ALK: variants seen among roughly 807,000 people sequenced by gnomAD.
ALK encodes the protein ALK receptor tyrosine kinase.
In ALK, 74 loss-of-function variants were observed where a neutral mutation model predicts 163.1. The observed-to-expected ratio is 0.45, with a 90% CI of 0.38 to 0.55. The LOEUF is 0.55. Among genes scored for constraint, ALK ranks in the 20% least tolerant of loss-of-function variants. The probability of loss-of-function intolerance (pLI) is 0.00; values close to 1 mark genes in which losing one functional copy is unlikely to be tolerated. For missense variants in ALK, 2,063 were observed against 2,105.3 expected, an observed-to-expected ratio of 0.98 and a Z score of 0.39; for synonymous variants, 960 against 843.2, an observed-to-expected ratio of 1.14 and a Z score of -2.40.
intron 1 of ALK, among the ~76,000 whole-genome samples, chr2:29,758,005 CTTTTTTTTTTTT>C (rs1213067837): frequency 1.9e-5 from 2 of 104,972 alleles, no homozygotes; most frequent in Non-Finnish European, 3.5e-5. Flanking sequence ...CCCGCATCCT[CTTTTTTTTTTTT>C]TTTTTTTTTT....
In ALK at chr2:29,583,946, C is replaced by T. The variant is rs116085114; in HGVS notation, c.953-51830G>A. ...TGTCTATCAACAGTCACCACTTTCT[C>T]CAGCTCTGCATCTTGAACACTCTTT... On this transcript the variant is annotated intron_variant, in intron 3 of 28. Transcript: ENST00000389048. Among the ~76,000 whole-genome samples the T allele has an allele frequency of 7.3e-3, 1,111 of 152,086 alleles. 10 individuals are homozygous for T. The highest frequency in any genetic ancestry group is 0.034 in the Middle Eastern group (10 of 294).
Position 29,441,164 on chromosome 2 carries a change from T to G in ALK, c.1155-57305A>C, listed in dbSNP as rs114256336. Among the ~76,000 whole-genome samples the G allele has an allele frequency of 5.6e-3, 847 of 152,364 alleles. 18 individuals carry two copies. The highest frequency in any genetic ancestry group is 0.02 in the African/African-American group (817 of 41,588). ...GCAGAACCTACTCTAGATCTGTCTA[T>G]GTCAACTTCAGAGCCAACAAGAATA... is the stretch of plus-strand genomic sequence containing the variant. On this transcript the variant is annotated intron_variant, in intron 4 of 28. Coordinates refer to ENST00000389048, the MANE Select transcript of ALK (RefSeq NM_004304.5).
chr2:29,496,990 G>A (rs1672041233), intron 4 of ALK, among the ~76,000 whole-genome samples: 1 of 152,200 alleles, frequency 6.6e-6, no homozygotes, highest in South Asian at 2.1e-4. Flanking sequence ...TCCTGATGAG[G>A]CCAGGCATGG....
rs888578421 is a variant in ALK at position 29,222,379 on chromosome 2, G to A, written c.3480C>T (p.Asp1160=). 3.1e-6 allele frequency: 5 copies of A among 1,614,042 alleles called. No homozygotes were observed. The highest frequency in any genetic ancestry group is 1.7e-4 in the Middle Eastern group (1 of 6,060). Residue 1160 remains aspartate, a synonymous_variant, in exon 22 of 29, where the codon GAC becomes GAT. Coordinates refer to ENST00000389048, the MANE Select transcript of ALK (RefSeq NM_004304.5). The part of the protein sequence containing the change: ...KTLPEVCSEQ[D]ELDFLMEALI... Reference sequence around the variant, plus strand: ...GGGCTTCCATGAGGAAATCCAGTTCGTCCTGTTCAGAGCACACTTCAGGCA... The same window carrying A: ...GGGCTTCCATGAGGAAATCCAGTTCATCCTGTTCAGAGCACACTTCAGGCA...
chr2:29,349,814 T>C (rs6726799), intron 5 of ALK, among the ~76,000 whole-genome samples: 137,707 of 152,298 alleles, frequency 0.9, 62,286 homozygotes, highest in South Asian at 0.98. Context: ...CAGCCTGCAA[T>C]GTACAGTGCG....
At chr2:29,597,493 T>C (rs1252625010) in intron 3 of ALK, among the ~76,000 whole-genome samples, 2 of 152,198 alleles carry the variant, frequency 1.3e-5, no homozygotes, top group African/African-American at 4.8e-5. Context: ...TGCCCTTTTC[T>C]TAAAATCACA....
intron 1 of ALK, among the ~76,000 whole-genome samples, chr2:29,881,962 T>A (rs1666880060): frequency 6.6e-6 from 1 of 152,160 alleles, no homozygotes; most frequent in Non-Finnish European, 1.5e-5. Flanking sequence ...GAATGGGGTG[T>A]GACTTTTTTG....
chr2:29,556,429 A>T (rs140210493), intron 3 of ALK, among the ~76,000 whole-genome samples: 1 of 152,308 alleles, frequency 6.6e-6, no homozygotes, highest in East Asian at 1.9e-4. Context: ...AGTCCTTACT[A>T]TTGCAAACAA....
At chr2:29,421,162 GAAGCTGCAGATCCTTC>G (rs1364331599) in intron 4 of ALK, among the ~76,000 whole-genome samples, 1 of 151,506 alleles carries the variant, frequency 6.6e-6, no homozygotes, top group Non-Finnish European at 1.5e-5. Context: ...GCTGGTACTG[GAAGCTGCAGATCCTTC>G]AATCCACAAG....
chr2:29,725,146 T>A (rs1203425317), intron 1 of ALK, among the ~76,000 whole-genome samples: 1 of 36,244 alleles, frequency 2.8e-5, no homozygotes, highest in Non-Finnish European at 4.7e-5. Flanking sequence ...CTTCAGGCTA[T>A]CCTATACCAA....
chr2:29,363,703 A>C lies in ALK; in HGVS notation c.1282+20029T>G, dbSNP rs182379640. Among the ~76,000 whole-genome samples the C allele has an allele frequency of 3.3e-5, 5 of 152,340 alleles. No individual in the cohort carries two copies. In the East Asian group the frequency reaches 7.7e-4, roughly 24 times the overall value. ...AGTGATGGACACATTTTAAAAATCC[A>C]AGTAAGTAACTCTTTAATTCATCAT... On this transcript the variant is annotated intron_variant, in intron 5 of 28. Transcript: ENST00000389048.
intron 4 of ALK, among the ~76,000 whole-genome samples, chr2:29,467,216 T>C (rs1475368942): frequency 7.0e-6 from 1 of 142,516 alleles, no homozygotes; most frequent in Non-Finnish European, 1.5e-5. Context: ...CAATGAGCAA[T>C]CTTATGGAGA....
rs114977612 is a variant in ALK at position 29,647,296 on chromosome 2, G to C, written c.952+47554C>G. ...TTATAGTTCAGATGAGCTGCCACTA[G>C]GTAGAACTCTGGGCATTCAGTTAGG... On this transcript the variant is annotated intron_variant, in intron 3 of 28. Transcript: ENST00000389048. Among the ~76,000 whole-genome samples, 562 of 152,258 alleles carry C rather than the reference G, an allele frequency of 3.7e-3. 3 individuals are homozygous for C. The highest frequency in any genetic ancestry group is 0.013 in the African/African-American group (539 of 41,566).
At chr2:29,888,265 A>ATTTTTT (rs1343022563) in intron 1 of ALK, among the ~76,000 whole-genome samples, 16 of 49,926 alleles carry the variant, frequency 3.2e-4, no homozygotes, top group Middle Eastern at 7.7e-3. Context: ...TTTTTTTAAA[A>ATTTTTT]AAAGGGAAAC....
chr2:29,906,005 G>T (rs539495846), intron 1 of ALK, among the ~76,000 whole-genome samples: 1 of 152,250 alleles, frequency 6.6e-6, no homozygotes, highest in East Asian at 1.9e-4. Flanking sequence ...CTGCAGTTCT[G>T]CCCATGCCTA....
At chr2:29,704,314 G>A (rs531771813) in intron 2 of ALK, among the ~76,000 whole-genome samples, 53 of 152,204 alleles carry the variant, frequency 3.5e-4, no homozygotes, top group African/African-American at 1.1e-3. Flanking sequence ...CTCTTTGCTC[G>A]AGGGATTCAT....
At chr2:29,565,330 C>T (rs1380414763) in intron 3 of ALK, among the ~76,000 whole-genome samples, 2 of 152,328 alleles carry the variant, frequency 1.3e-5, no homozygotes, top group East Asian at 1.9e-4. Flanking sequence ...CCGGCGTTAG[C>T]TTCCTACTGG....
chr2:29,712,756 C>A (rs748683185), intron 2 of ALK, among the ~76,000 whole-genome samples: 11 of 152,070 alleles, frequency 7.2e-5, no homozygotes, highest in Admixed American at 2.6e-4. Context: ...TCTAAAAGCA[C>A]CAGCCCCTGA....
chr2:29,852,835 TCTCTC>T (rs1666035125), intron 1 of ALK, among the ~76,000 whole-genome samples: 4 of 17,708 alleles, frequency 2.3e-4, no homozygotes, highest in Admixed American at 6.7e-4. Flanking sequence ...CAGAGCTTTC[TCTCTC>T]TCTCTCTCTC....
Sources: allele counts gnomAD v4.1 joint callset (sites outside exome capture counted in the v4.1 genomes callset), GRCh38; gene constraint gnomAD v4.1.1; transcripts MANE v1.5; gene names NCBI Gene and HGNC (gene_info 2026-07-23, HGNC 2026-07-21).